EXT2: variants seen among roughly 807,000 people sequenced by gnomAD.
EXT2 encodes exostosin glycosyltransferase 2.
A neutral mutation model predicts 81.6 loss-of-function variants in EXT2; 53 were observed. The observed-to-expected ratio is 0.65, with a 90% CI of 0.52 to 0.82. The LOEUF is 0.82. Ranked by LOEUF, EXT2 falls within the 40% of genes least tolerant of loss-of-function variation. The probability of loss-of-function intolerance (pLI) is 0.00; values close to 1 mark genes in which losing one functional copy is unlikely to be tolerated. For synonymous variants in EXT2, 320 were observed against 340.0 expected (o/e 0.94, Z 0.65); for missense variants, 774 against 910.2 (o/e 0.85, Z 1.93).
rs779355468 is a variant in EXT2, at chr11:44,107,662, A to G, written c.-30-21A>G. The G allele has an allele frequency of 6.3e-6, 10 of 1,590,058 alleles. No individual in the cohort carries two copies. The Admixed American group carries it at 1.8e-4, about 28-fold the overall frequency. On this transcript the variant is annotated intron_variant, in intron 1 of 13. Coordinates refer to ENST00000533608, the MANE Select transcript of EXT2 (RefSeq NM_207122.2). ...CCATCCTAAATACTTGGTTTTTCTT[A>G]TTTCTCTCCCTGGTGACCAGGAGTG...
intron 13 of EXT2, 35 bp downstream of exon 13, chr11:44,236,410 C>T (rs143766528): frequency 3.8e-6 from 6 of 1,593,202 alleles, no homozygotes; most frequent in Non-Finnish European, 5.2e-6. Context: ...GCGCCTTAGC[C>T]TCTGATCTCT....
At chr11:44,226,651 G>A (rs1955841044) in intron 10 of EXT2, among the ~76,000 whole-genome samples, 1 of 152,246 alleles carries the variant, frequency 6.6e-6, no homozygotes, top group African/African-American at 2.4e-5. Context: ...TGGCTCCTCT[G>A]TGGAAACCAG....
chr11:44,150,932 G>A (rs1397273459), intron 7 of EXT2, among the ~76,000 whole-genome samples: 1 of 152,156 alleles, frequency 6.6e-6, no homozygotes. Context: ...GGGAAGATAA[G>A]CTTTTCCCCC....
intron 3 of EXT2, among the ~76,000 whole-genome samples, 168 bp from the exon 4 acceptor site, chr11:44,114,017 T>C (rs916090789): frequency 1.3e-5 from 2 of 152,124 alleles, no homozygotes; most frequent in South Asian, 2.1e-4. Flanking sequence ...AGAACGCAGC[T>C]GATGGCCCCG....
chr11:44,171,858 G>A (rs1164335201), intron 8 of EXT2, 116 bp downstream of exon 8: 12 of 1,516,712 alleles, frequency 7.9e-6, no homozygotes, highest in Non-Finnish European at 1.1e-5. Flanking sequence ...TAAGATGAGA[G>A]TGTGCTTTTT....
At chr11:44,104,910 A>G (rs950056038) in intron 1 of EXT2, 2 of 152,236 alleles carry the variant, frequency 1.3e-5, no homozygotes, top group Non-Finnish European at 2.9e-5. Flanking sequence ...ATATTGAGTG[A>G]CTGATGTATA....
At chr11:44,201,374 A>G (rs1338152471) in intron 9 of EXT2, among the ~76,000 whole-genome samples, 1 of 152,248 alleles carries the variant, frequency 6.6e-6, no homozygotes, top group Non-Finnish European at 1.5e-5. Context: ...ATATAACCAT[A>G]TTGTATACTT....
At chr11:44,136,322 A>G (rs953928395) in intron 7 of EXT2, among the ~76,000 whole-genome samples, 1 of 152,178 alleles carries the variant, frequency 6.6e-6, no homozygotes, top group South Asian at 2.1e-4. Flanking sequence ...GAATTTTTTT[A>G]TGTGAAGAAA....
intron 8 of EXT2, among the ~76,000 whole-genome samples, chr11:44,183,804 C>A (rs1419501192): frequency 6.6e-6 from 1 of 152,134 alleles, no homozygotes; most frequent in Non-Finnish European, 1.5e-5. Context: ...GTCTGCCTGG[C>A]CTTCTTCATA....
rs994391503 is a variant in EXT2, at chr11:44,248,025, G to T, written c.*3738G>T. 7.9e-5 allele frequency among the ~76,000 whole-genome samples: 12 copies of T among 152,236 alleles called. No individual in the cohort carries two copies. Among genetic ancestry groups the T allele is most frequent in the African/African-American group, 2.9e-4 (12 of 41,464 alleles). ...TGGGAAGGCTCTTCCTAGCTCTGCA[G>T]TTAGATCCTGTGAGGACCCAGCTGA... On this transcript the variant is annotated 3_prime_UTR_variant, in exon 14 of 14. Coordinates refer to ENST00000533608, the MANE Select transcript of EXT2 (RefSeq NM_207122.2).
intron 7 of EXT2, among the ~76,000 whole-genome samples, chr11:44,155,225 G>A (rs1954841674): frequency 6.6e-6 from 1 of 152,040 alleles, no homozygotes; most frequent in South Asian, 2.1e-4. Context: ...ATAGTTTCAT[G>A]GTTTGAGATC....
At chr11:44,155,785 G>A (rs7114784) in intron 7 of EXT2, among the ~76,000 whole-genome samples, 53,997 of 151,898 alleles carry the variant, frequency 0.36, 9,702 homozygotes, top group Middle Eastern at 0.47. Flanking sequence ...CATAATTACA[G>A]TGTTATAATA....
At chr11:44,148,614 A>G (rs1954752231) in intron 7 of EXT2, among the ~76,000 whole-genome samples, 1 of 152,220 alleles carries the variant, frequency 6.6e-6, no homozygotes, top group South Asian at 2.1e-4. Flanking sequence ...TGAGGATTAA[A>G]TAAATTAATA....
intron 7 of EXT2, among the ~76,000 whole-genome samples, chr11:44,167,846 G>A (rs1955014870): frequency 6.6e-6 from 1 of 151,932 alleles, no homozygotes; most frequent in Non-Finnish European, 1.5e-5. Flanking sequence ...TAAGTTTTAG[G>A]GTACATGTGC....
intron 8 of EXT2, among the ~76,000 whole-genome samples, chr11:44,181,408 C>CT (rs1383742392): frequency 6.6e-6 from 1 of 152,096 alleles, no homozygotes; most frequent in Non-Finnish European, 1.5e-5. Flanking sequence ...AATCCATGTG[C>CT]TTCAGTTGTG....
At chr11:44,147,164 T>G (rs1954729618) in intron 7 of EXT2, among the ~76,000 whole-genome samples, 1 of 152,246 alleles carries the variant, frequency 6.6e-6, no homozygotes, top group Admixed American at 6.5e-5. Flanking sequence ...GCTCTCTGAA[T>G]CAGCCAGGTT....
intron 8 of EXT2, among the ~76,000 whole-genome samples, chr11:44,175,889 T>C (rs1483132384): frequency 6.6e-6 from 1 of 152,110 alleles, no homozygotes; most frequent in Non-Finnish European, 1.5e-5. Flanking sequence ...AAGTGGTAGA[T>C]TGTTTCTCAT....
intron 10 of EXT2, among the ~76,000 whole-genome samples, chr11:44,228,671 G>T (rs1020375398): frequency 2.0e-5 from 3 of 152,126 alleles, no homozygotes; most frequent in Non-Finnish European, 2.9e-5. Flanking sequence ...CACTATAAAG[G>T]CTCCAAAGCA....
intron 10 of EXT2, among the ~76,000 whole-genome samples, chr11:44,214,562 A>T (rs1441330271): frequency 1.3e-5 from 2 of 152,098 alleles, no homozygotes; most frequent in Non-Finnish European, 2.9e-5. Context: ...TTTCCAGGGA[A>T]TTTGTTCATT....
Sources: allele counts gnomAD v4.1 joint callset (sites outside exome capture counted in the v4.1 genomes callset), GRCh38; gene constraint gnomAD v4.1.1; transcripts MANE v1.5; gene names NCBI Gene and HGNC (gene_info 2026-07-23, HGNC 2026-07-21).